The following TBCD variants were observed in gnomAD, a reference collection of about 807,000 sequenced individuals.
TBCD encodes tubulin folding cofactor D.
TBCD carries 105 observed loss-of-function variants against 169.3 expected under a neutral mutation model. That is an observed-to-expected ratio of 0.62 (90% CI 0.53 to 0.73). The LOEUF (loss-of-function observed/expected upper bound fraction) is 0.73. Ranked by LOEUF, TBCD falls within the 30% of genes least tolerant of loss-of-function variation. The probability of loss-of-function intolerance (pLI) is 0.00; values close to 1 mark genes in which losing one functional copy is unlikely to be tolerated. For missense variants in TBCD, 1,444 were observed against 1,600.1 expected (o/e 0.90, Z 1.66); for synonymous variants, 700 against 643.9 (o/e 1.09, Z -1.32).
intron 5 of TBCD, among the ~76,000 whole-genome samples, chr17:82,771,047 C>CAAAA (rs36015818): frequency 3.9e-4 from 15 of 38,564 alleles, no homozygotes; most frequent in South Asian, 1.0e-3. Flanking sequence ...GACTCCGTCT[C>CAAAA]AAAAAAAAAA....
At chr17:82,755,654 T>C (rs964086525) in intron 1 of TBCD, among the ~76,000 whole-genome samples, 1 of 152,198 alleles carries the variant, frequency 6.6e-6, no homozygotes, top group Non-Finnish European at 1.5e-5. Flanking sequence ...TCATGAGGCC[T>C]GAACTAGTTT....
intron 21 of TBCD, chr17:82,908,539 C>T (rs577251279): frequency 9.4e-6 from 3 of 318,976 alleles, no homozygotes; most frequent in Admixed American, 9.0e-5. Context: ...GCTTTATATT[C>T]TTTAAGATTC....
intron 13 of TBCD, among the ~76,000 whole-genome samples, chr17:82,817,566 G>A (rs1022505492): frequency 2.6e-5 from 4 of 152,170 alleles, no homozygotes; most frequent in African/African-American, 7.2e-5. Context: ...CAAAGTGCTA[G>A]GATTATAGGC....
rs569332412 is a variant in TBCD, at chr17:82,929,850, C to T, written c.2991+350C>T. On this transcript the variant is annotated intron_variant, in intron 32 of 38. Coordinates refer to ENST00000355528, the MANE Select transcript of TBCD (RefSeq NM_005993.5). ...CTCCATCAGGTTCTAGATCGGCCTC[C>T]GCCCTCCACTTTCAGGGCTCCAGGC... 48 of 424,676 alleles carry T rather than the reference C, an allele frequency of 1.1e-4. 2 individuals carry two copies. Among genetic ancestry groups the T allele is most frequent in the African/African-American group, 8.5e-4 (42 of 49,690 alleles). 26.3% of individuals were successfully genotyped at this position (424,676 alleles called of 1,614,324 possible).
intron 13 of TBCD, among the ~76,000 whole-genome samples, chr17:82,847,701 G>A (rs984900019): frequency 2.0e-4 from 30 of 152,086 alleles, no homozygotes; most frequent in Admixed American, 2.0e-3. Context: ...GCAGTAGTGC[G>A]ATCTCCGCCT....
intron 13 of TBCD, among the ~76,000 whole-genome samples, chr17:82,853,402 CT>C (rs11439499): frequency 6.5e-5 from 9 of 139,486 alleles, no homozygotes; most frequent in African/African-American, 1.3e-4. Flanking sequence ...ACCCCCCCTC[CT>C]TTTTTTTTTC....
intron 13 of TBCD, among the ~76,000 whole-genome samples, chr17:82,853,922 G>A (rs1286246433): frequency 2.6e-5 from 4 of 151,856 alleles, no homozygotes; most frequent in Non-Finnish European, 5.9e-5. Context: ...AAAAGTTGTG[G>A]TTCCTATTGG....
chr17:82,841,236 C>T (rs2054499948), intron 13 of TBCD, among the ~76,000 whole-genome samples: 1 of 151,836 alleles, frequency 6.6e-6, no homozygotes, highest in African/African-American at 2.4e-5. Context: ...GCCACTGCAC[C>T]CGGTCTGTTT....
intron 13 of TBCD, among the ~76,000 whole-genome samples, chr17:82,836,189 C>T (rs991385424): frequency 7.9e-5 from 12 of 152,258 alleles, no homozygotes; most frequent in African/African-American, 2.7e-4. Context: ...TGCCTCCCTT[C>T]AGGAAGTAGA....
chr17:82,756,079 A>G (rs1036173830), intron 1 of TBCD, 86 bp from the exon 2 acceptor site: 1 of 1,167,342 alleles, frequency 8.6e-7, no homozygotes, highest in Non-Finnish European at 1.2e-6. Context: ...GCCCTGTGGA[A>G]GCTAGCAAGG....
intron 1 of TBCD, among the ~76,000 whole-genome samples, chr17:82,753,835 G>T (rs548381375): frequency 1.3e-5 from 2 of 151,002 alleles, no homozygotes; most frequent in Non-Finnish European, 1.5e-5. Context: ...TTTAGTTCAC[G>T]CAGAGCCGGT....
At chr17:82,847,356 G>GAAAAAAAAAAA (rs1041994030) in intron 13 of TBCD, among the ~76,000 whole-genome samples, 2 of 81,748 alleles carry the variant, frequency 2.4e-5, no homozygotes, top group Non-Finnish European at 2.4e-5. Flanking sequence ...CCATGTCAAA[G>GAAAAAAAAAAA]AAAAAAAAAA....
intron 13 of TBCD, among the ~76,000 whole-genome samples, chr17:82,828,004 C>T (rs2053044697): frequency 6.6e-6 from 1 of 151,344 alleles, no homozygotes; most frequent in Admixed American, 6.6e-5. Flanking sequence ...AACGCACACA[C>T]ACCTGCAGAT....
In TBCD at chr17:82,831,447, T is replaced by G. The variant is rs1598781369; in HGVS notation, c.1318+16513T>G. 1 of 1,614,072 alleles carries G rather than the reference T, an allele frequency of 6.2e-7. No homozygotes were observed. Among genetic ancestry groups the G allele is most frequent in the Non-Finnish European group, 8.5e-7 (1 of 1,180,010 alleles). On this transcript the variant is annotated intron_variant, in intron 13 of 38. Transcript: ENST00000355528. The surrounding 1 kb of genome is among the most constrained non-coding windows in gnomAD (Gnocchi z 4.6). ...GATCTCGGGTGAGGCCAGTGACAGGTGGGAGTCTGAGACCATAGGAGGAAA... is the reference window on the plus strand; with the variant it reads ...GATCTCGGGTGAGGCCAGTGACAGGGGGGAGTCTGAGACCATAGGAGGAAA...
intron 13 of TBCD, among the ~76,000 whole-genome samples, chr17:82,843,146 C>G (rs1357074228): frequency 6.6e-6 from 1 of 152,058 alleles, no homozygotes; most frequent in Admixed American, 6.6e-5. Context: ...ATTCTGATTC[C>G]TGATTCTTTC....
At chr17:82,780,049 C>T (rs2048843365) in intron 6 of TBCD, among the ~76,000 whole-genome samples, 1 of 152,194 alleles carries the variant, frequency 6.6e-6, no homozygotes, top group Non-Finnish European at 1.5e-5. Flanking sequence ...CCGGCATGGC[C>T]TAAAGAGGAG....
At position 82,915,714 on chromosome 17, in the gene TBCD, C is replaced by T. The variant is rs1428286549; in HGVS notation, c.2038+3925C>T. On this transcript the variant is annotated intron_variant, in intron 23 of 38. Transcript: ENST00000355528. The surrounding 1 kb of genome is among the most constrained non-coding windows in gnomAD (Gnocchi z 4.3). ...CAGGGGCCGGGAGGAAGGGGGTCAT[C>T]TGGCTCACAGCCTTGCACCAGAGGC... Among the ~76,000 whole-genome samples the T allele has an allele frequency of 6.6e-6, 1 of 152,212 alleles. No individual in the cohort carries two copies. Among genetic ancestry groups the T allele is most frequent in the Non-Finnish European group, 1.5e-5 (1 of 68,018 alleles).
At chr17:82,931,527 C>T (rs1016656229) in intron 33 of TBCD, among the ~76,000 whole-genome samples, 4 of 152,206 alleles carry the variant, frequency 2.6e-5, no homozygotes, top group South Asian at 2.1e-4. Context: ...CCTTGCCGTT[C>T]GCTCATTCCT....
chr17:82,787,406 T>TGAA (rs1469339657), intron 7 of TBCD, among the ~76,000 whole-genome samples: 1 of 152,244 alleles, frequency 6.6e-6, no homozygotes, highest in African/African-American at 2.4e-5. Context: ...CCAGAGCGTC[T>TGAA]GAAGCCCTGG....
Sources: allele counts gnomAD v4.1 joint callset (sites outside exome capture counted in the v4.1 genomes callset), GRCh38; gene constraint gnomAD v4.1.1; non-coding constraint Gnocchi (gnomAD v3.1); transcripts MANE v1.5; gene names NCBI Gene and HGNC (gene_info 2026-07-23, HGNC 2026-07-21).